The following NAPG variants were observed in gnomAD, a reference collection of about 807,000 sequenced individuals.
NAPG encodes gamma-soluble NSF attachment protein.
NAPG carries 25 observed loss-of-function variants against 48.4 expected under a neutral mutation model. The observed-to-expected ratio is 0.52, with a 90% CI of 0.38 to 0.72. NAPG has a LOEUF of 0.72. NAPG is among the 30% of genes least tolerant of loss of function. The pLI, the probability that NAPG is intolerant of heterozygous loss-of-function variation, is 0.00. For synonymous variants in NAPG, 139 were observed against 127.2 expected (o/e 1.09, Z -0.62); for missense variants, 359 against 372.5 (o/e 0.96, Z 0.30).
At chr18:10,531,138 C>T (rs964242787) in intron 2 of NAPG, among the ~76,000 whole-genome samples, 6 of 152,056 alleles carry the variant, frequency 3.9e-5, no homozygotes, top group Non-Finnish European at 8.8e-5. Context: ...ATTTGAATAC[C>T]ATATCCATGA....
rs1157400204 is a variant in NAPG at position 10,526,134 on chromosome 18, A to C, written c.32A>C (p.Glu11Ala). 2 of 1,613,640 alleles carry C rather than the reference A, an allele frequency of 1.2e-6. No individual in the cohort carries two copies. Among genetic ancestry groups the C allele is most frequent in the Non-Finnish European group, 1.7e-6 (2 of 1,179,674 alleles). Reference sequence around the variant, plus strand: ...GCTCAGAAGATAAACGAGGGGCTGGAACACCTCGCCAAAGCAGAGAAATAG... The same window carrying C: ...GCTCAGAAGATAAACGAGGGGCTGGCACACCTCGCCAAAGCAGAGAAATAG... MAAQKINEGL[E>A]HLAKAEKYLK... The change falls in exon 1 of 12, where the codon GAA becomes GCA. Residue 11 changes from glutamate (E) to alanine (A), a missense_variant. Physicochemically the swap from Glu to Ala is moderately radical, Grantham distance 107. Coordinates refer to ENST00000322897, the MANE Select transcript of NAPG (RefSeq NM_003826.3).
Position 10,548,955 on chromosome 18 carries a change from T to TA in NAPG, c.666-12_666-11insA, listed in dbSNP as rs2032325895. ...GGAGAAGGTGAAGACGTGTGATTTG[T>TA]GCTTACTGCAGCATCCCTGGGTTCA... On this transcript the variant is annotated splice_polypyrimidine_tract_variant and intron_variant, in intron 10 of 11. Coordinates refer to ENST00000322897, the MANE Select transcript of NAPG (RefSeq NM_003826.3). This position sits in a 1 kb window ranked among gnomAD's most constrained non-coding sequence, Gnocchi z 4.4. 6.2e-7 allele frequency: 1 copy of TA among 1,611,936 alleles called. No individual in the cohort carries two copies. Among genetic ancestry groups the TA allele is most frequent in the South Asian group, 1.1e-5 (1 of 90,778 alleles).
chr18:10,538,668 C>G (rs2032084539), intron 5 of NAPG, among the ~76,000 whole-genome samples: 1 of 152,138 alleles, frequency 6.6e-6, no homozygotes, highest in Non-Finnish European at 1.5e-5. Context: ...TAGAAATTAC[C>G]TGGTACCTTT....
In NAPG at chr18:10,548,580, C is replaced by T. The variant is rs564889981; in HGVS notation, c.665+202C>T. 6.7e-6 allele frequency among the ~76,000 whole-genome samples: 1 copy of T among 149,080 alleles called. No homozygotes were observed. Among genetic ancestry groups the T allele is most frequent in the East Asian group, 1.9e-4 (1 of 5,148 alleles). ...TTTCCTGTATTTTTCTCTAGGGGAC[C>T]TCCATGGAAGTGAATGACTTTAGTC... is the stretch of plus-strand genomic sequence containing the variant. On this transcript the variant is annotated intron_variant, in intron 10 of 11. Transcript: ENST00000322897. This position sits in a 1 kb window ranked among gnomAD's most constrained non-coding sequence, Gnocchi z 4.4.
intron 7 of NAPG, 76 bp from the exon 8 acceptor site, chr18:10,540,253 T>G: frequency 7.3e-7 from 1 of 1,360,846 alleles, no homozygotes; most frequent in Non-Finnish European, 1.0e-6. Context: ...ATTACTTCTT[T>G]ACAAAATAAA....
At chr18:10,526,267 C>T (rs903449560) in intron 1 of NAPG, 109 bp downstream of exon 1, 1 of 774,198 alleles carries the variant, frequency 1.3e-6, no homozygotes, top group Admixed American at 2.2e-5. Flanking sequence ...GCTGAGGGGC[C>T]TCGGCGCGCT....
chr18:10,526,077 T>C lies in NAPG; in HGVS notation c.-26T>C, dbSNP rs766670646. The C allele has an allele frequency of 1.9e-6, 3 of 1,611,986 alleles. No individual in the cohort carries two copies. The highest frequency in any genetic ancestry group is 2.2e-5 in the South Asian group (2 of 91,042). On this transcript the variant is annotated 5_prime_UTR_variant, in exon 1 of 12. Transcript: ENST00000322897. The stretch of plus-strand genomic sequence containing the variant: ...GAGGAAGAGGCAGGGTCACCCTCTC[T>C]CCACGTCAGAGACCTGACTGTGGAG...
At chr18:10,526,246 G>GGGGGGGTGGGT in intron 1 of NAPG, 88 bp downstream of exon 1, 4 of 490,182 alleles carry the variant, frequency 8.2e-6, no homozygotes, top group Non-Finnish European at 1.7e-5. Context: ...GGGCGGGAGG[G>GGGGGGGTGGGT]AGGGCTCAGG....
intron 11 of NAPG, among the ~76,000 whole-genome samples, chr18:10,549,420 C>T (rs1290027640): frequency 2.0e-5 from 3 of 152,178 alleles, no homozygotes; most frequent in South Asian, 2.1e-4. Flanking sequence ...TTCTTTTAGA[C>T]GGACTCTCTG....
rs768591503 is a variant in NAPG at position 10,526,142 on chromosome 18, G to A, written c.40G>A (p.Ala14Thr). 5.1e-6 allele frequency: 8 copies of A among 1,562,318 alleles called. No homozygotes were observed. The Admixed American group carries it at 1.4e-4, about 27-fold the overall frequency. ...GATAAACGAGGGGCTGGAACACCTCGCCAAAGCAGAGAAATAGTGAGTGAG... is the reference window on the plus strand; with the variant it reads ...GATAAACGAGGGGCTGGAACACCTCACCAAAGCAGAGAAATAGTGAGTGAG... ...QKINEGLEHL[A>T]KAEKYLKTGF... The change falls in exon 1 of 12, where the codon GCC (alanine) becomes ACC (threonine). Residue 14 changes from alanine to threonine, a missense_variant. Coordinates refer to ENST00000322897, the MANE Select transcript of NAPG (RefSeq NM_003826.3).
Position 10,541,713 on chromosome 18 carries a change from G to A in NAPG, c.506+1314G>A, listed in dbSNP as rs538852092. Among the ~76,000 whole-genome samples the A allele has an allele frequency of 2.2e-4, 34 of 152,242 alleles. No homozygotes were observed. The South Asian group carries it at 5.6e-3, about 25-fold the overall frequency. ...AAGACTCCCAGTGCCTTTCTAGAGC[G>A]CTAAGCCCCTTACTATAAGACCCCA... On this transcript the variant is annotated intron_variant, in intron 8 of 11. Transcript: ENST00000322897.
rs975271948 is a variant in NAPG at position 10,542,903 on chromosome 18, G to A, written c.506+2504G>A. ...TCCTTTTTAGAAAAGGCCTTTCCAG[G>A]CTGGGTGCAGTGGCTCATGCCTGTA... is the stretch of plus-strand genomic sequence containing the variant. On this transcript the variant is annotated intron_variant, in intron 8 of 11. Coordinates refer to ENST00000322897, the MANE Select transcript of NAPG (RefSeq NM_003826.3). This position sits in a 1 kb window ranked among gnomAD's most constrained non-coding sequence, Gnocchi z 4.5. Among the ~76,000 whole-genome samples, 10 of 152,098 alleles carry A rather than the reference G, an allele frequency of 6.6e-5. No individual in the cohort carries two copies. Among genetic ancestry groups the A allele is most frequent in the African/African-American group, 2.2e-4 (9 of 41,430 alleles).
At chr18:10,532,631 T>C in intron 2 of NAPG, 80 bp from the exon 3 acceptor site, 1 of 1,058,206 alleles carries the variant, frequency 9.4e-7, no homozygotes, top group Non-Finnish European at 1.4e-6. Context: ...TTATAATACT[T>C]CATATAAAAT....
At chr18:10,529,906 T>C (rs1002108859) in intron 1 of NAPG, among the ~76,000 whole-genome samples, 1 of 152,218 alleles carries the variant, frequency 6.6e-6, no homozygotes, top group African/African-American at 2.4e-5. Flanking sequence ...CAAGCAGGCC[T>C]TCACTAATTG....
At chr18:10,547,865 C>G (rs1358472931) in intron 9 of NAPG, among the ~76,000 whole-genome samples, 1 of 152,144 alleles carries the variant, frequency 6.6e-6, no homozygotes, top group Non-Finnish European at 1.5e-5. Flanking sequence ...ACATCTTTTT[C>G]CTAGTTTCTT....
chr18:10,536,068 A>G lies in NAPG; in HGVS notation c.258+1572A>G, dbSNP rs114837378. Among the ~76,000 whole-genome samples the G allele has an allele frequency of 8.6e-3, 1,307 of 152,220 alleles. 16 individuals are homozygous for G. The highest frequency in any genetic ancestry group is 0.03 in the African/African-American group (1,233 of 41,530). The stretch of plus-strand genomic sequence containing the variant: ...GTTTAAGAAATGCTCAAACACTCTA[A>G]TTCTCACAGCCTCAGTTTATATTAC... On this transcript the variant is annotated intron_variant, in intron 5 of 11. Transcript: ENST00000322897.
chr18:10,542,573 C>T lies in NAPG; in HGVS notation c.506+2174C>T, dbSNP rs2032178223. 6.6e-6 allele frequency among the ~76,000 whole-genome samples: 1 copy of T among 152,062 alleles called. No homozygotes were observed. Among genetic ancestry groups the T allele is most frequent in the Admixed American group, 6.6e-5 (1 of 15,260 alleles). On this transcript the variant is annotated intron_variant, in intron 8 of 11. Coordinates refer to ENST00000322897, the MANE Select transcript of NAPG (RefSeq NM_003826.3). This position sits in a 1 kb window ranked among gnomAD's most constrained non-coding sequence, Gnocchi z 4.5. ...GATTATTATTTGATTGCATCTGTTG[C>T]CTAAAAGAACTAAACAGGTGGTAAT...
Position 10,539,958 on chromosome 18 carries a change from A to G in NAPG, c.369-30A>G, listed in dbSNP as rs768767626. On this transcript the variant is annotated intron_variant, in intron 6 of 11. Transcript: ENST00000322897. The surrounding 1 kb of genome is among the most constrained non-coding windows in gnomAD (Gnocchi z 4.7). ...CTGAAAAACAAGTTTTCCATTTCTC[A>G]TATAAGACATGTTTTCTTGTCTGAT... 37 of 1,606,870 alleles carry G rather than the reference A, an allele frequency of 2.3e-5. No homozygotes were observed. The South Asian group carries it at 3.5e-4, about 15-fold the overall frequency.
At chr18:10,547,873 C>G (rs1312211847) in intron 9 of NAPG, among the ~76,000 whole-genome samples, 1 of 152,108 alleles carries the variant, frequency 6.6e-6, no homozygotes, top group Non-Finnish European at 1.5e-5. Context: ...TTCCTAGTTT[C>G]TTTTTAAGGA....
Sources: gnomAD v4.1 joint callset for allele counts (sites outside exome capture counted in the v4.1 genomes callset) on GRCh38, gnomAD v4.1.1 for gene constraint, Gnocchi (gnomAD v3.1) non-coding constraint, MANE v1.5 for transcripts, NCBI Gene and HGNC (gene_info 2026-07-23, HGNC 2026-07-21) for gene names.